SGCZ: variants seen among roughly 807,000 people sequenced by gnomAD.
SGCZ encodes the protein zeta-sarcoglycan.
A neutral mutation model predicts 41.3 loss-of-function variants in SGCZ; 40 were observed. That is an observed-to-expected ratio of 0.97 (90% confidence interval 0.75 to 1.26). SGCZ has a LOEUF of 1.26. Among genes scored for constraint, SGCZ ranks in the 50% most tolerant of loss-of-function variants. The pLI, the probability that SGCZ is intolerant of heterozygous loss-of-function variation, is 0.00. For synonymous variants in SGCZ, 206 were observed against 137.5 expected (o/e 1.50, Z -3.49); for missense variants, 552 against 369.8 (o/e 1.49, Z -4.04).
intron 1 of SGCZ, among the ~76,000 whole-genome samples, chr8:14,794,899 A>C (rs923688040): frequency 6.6e-6 from 1 of 152,214 alleles, no homozygotes; most frequent in Non-Finnish European, 1.5e-5. Flanking sequence ...AAAAATCTAA[A>C]GAAAAATAAC....
chr8:15,109,972 A>G (rs1175003398), intron 1 of SGCZ, among the ~76,000 whole-genome samples: 1 of 152,234 alleles, frequency 6.6e-6, no homozygotes, highest in Non-Finnish European at 1.5e-5. Context: ...ACTAAATCAA[A>G]TAATTTTAAA....
At chr8:14,822,429 G>T (rs1802132989) in intron 1 of SGCZ, among the ~76,000 whole-genome samples, 1 of 152,082 alleles carries the variant, frequency 6.6e-6, no homozygotes, top group Non-Finnish European at 1.5e-5. Flanking sequence ...GATCTACAAA[G>T]TTAATGCAAT....
chr8:14,803,551 T>C (rs1287319082), intron 1 of SGCZ, among the ~76,000 whole-genome samples: 1 of 152,156 alleles, frequency 6.6e-6, no homozygotes, highest in African/African-American at 2.4e-5. Context: ...CACGAGATTA[T>C]ATCCCGCACC....
At chr8:14,721,289 T>C (rs981379808) in intron 1 of SGCZ, among the ~76,000 whole-genome samples, 2 of 152,196 alleles carry the variant, frequency 1.3e-5, no homozygotes, top group Admixed American at 6.5e-5. Flanking sequence ...CATCTCATCT[T>C]TCCTTAGAAC....
intron 2 of SGCZ, among the ~76,000 whole-genome samples, chr8:14,415,868 A>G (rs891306538): frequency 6.6e-6 from 1 of 151,886 alleles, no homozygotes; most frequent in Non-Finnish European, 1.5e-5. Flanking sequence ...TGGCTAAAAG[A>G]CTTGGAACTG....
intron 5 of SGCZ, among the ~76,000 whole-genome samples, chr8:14,138,641 C>G (rs1803275421): frequency 6.6e-6 from 1 of 152,264 alleles, no homozygotes; most frequent in Admixed American, 6.5e-5. Context: ...GAAGAGCTAA[C>G]TATCCTAAAT....
At chr8:15,036,352 C>T (rs1268493107) in intron 1 of SGCZ, among the ~76,000 whole-genome samples, 1 of 151,986 alleles carries the variant, frequency 6.6e-6, no homozygotes, top group Non-Finnish European at 1.5e-5. Context: ...AAATGTCTCT[C>T]ATTGAACACA....
At chr8:14,957,433 T>C (rs1187749554) in intron 1 of SGCZ, among the ~76,000 whole-genome samples, 1 of 152,058 alleles carries the variant, frequency 6.6e-6, no homozygotes, top group African/African-American at 2.4e-5. Flanking sequence ...TATTAACCTT[T>C]CCATTCGTTG....
chr8:14,469,618 G>T (rs538496734), intron 2 of SGCZ, among the ~76,000 whole-genome samples: 4 of 152,010 alleles, frequency 2.6e-5, no homozygotes, highest in Admixed American at 1.3e-4. Context: ...TATCCCTTAG[G>T]TAGCTTCAGG....
At chr8:14,403,768 G>C (rs1799139779) in intron 2 of SGCZ, among the ~76,000 whole-genome samples, 1 of 151,918 alleles carries the variant, frequency 6.6e-6, no homozygotes, top group African/African-American at 2.4e-5. Context: ...TGAAGTTTAA[G>C]AAAAAATATA....
chr8:14,696,178 C>T (rs1808954480), intron 1 of SGCZ, among the ~76,000 whole-genome samples: 1 of 152,038 alleles, frequency 6.6e-6, no homozygotes, highest in Non-Finnish European at 1.5e-5. Context: ...CATTATATCA[C>T]GTTCTCAAAA....
At chr8:15,193,792 G>C in intron 1 of SGCZ, among the ~76,000 whole-genome samples, 1 of 152,124 alleles carries the variant, frequency 6.6e-6, no homozygotes, top group East Asian at 1.9e-4. Flanking sequence ...GTACCATTAG[G>C]CTTTACGTAA....
intron 2 of SGCZ, among the ~76,000 whole-genome samples, chr8:14,353,664 A>G (rs909489182): frequency 6.6e-6 from 1 of 152,042 alleles, no homozygotes; most frequent in Admixed American, 6.6e-5. Flanking sequence ...GCCCTATCAG[A>G]CAAAAATTAC....
Position 14,791,041 on chromosome 8 carries a change from GA to G in SGCZ, c.40-236116del, listed in dbSNP as rs531207109. On this transcript the variant is annotated intron_variant, in intron 1 of 7. Transcript: ENST00000382080. ...GTGAGACTCTGTCTCAAAAAAAAAA[GA>G]AAAAAAAAAGAAAAATAGGATACAA... 3.3e-3 allele frequency among the ~76,000 whole-genome samples: 435 copies of G among 131,956 alleles called. 3 individuals carry two copies. Among genetic ancestry groups the G allele is most frequent in the South Asian group, 0.012 (51 of 4,176 alleles). The allele number at this position is 131,956 out of a possible 152,430, so 86.6% of individuals were successfully genotyped here.
chr8:14,225,276 A>G (rs1806333452), intron 4 of SGCZ, among the ~76,000 whole-genome samples: 1 of 152,110 alleles, frequency 6.6e-6, no homozygotes, highest in African/African-American at 2.4e-5. Context: ...GTTATGGGCT[A>G]TTCTAAATGA....
intron 5 of SGCZ, among the ~76,000 whole-genome samples, chr8:14,164,355 G>C (rs1804140456): frequency 6.6e-6 from 1 of 152,044 alleles, no homozygotes; most frequent in Non-Finnish European, 1.5e-5. Context: ...GCCTCCACCT[G>C]AGAGATGGCT....
chr8:14,945,385 ATTATAAC>A (rs1563381490), intron 1 of SGCZ, among the ~76,000 whole-genome samples: 2 of 152,120 alleles, frequency 1.3e-5, no homozygotes, highest in African/African-American at 4.8e-5. Context: ...TAGATACTCA[ATTATAAC>A]TTATAAGGTT....
intron 1 of SGCZ, among the ~76,000 whole-genome samples, chr8:15,074,334 C>T (rs1805456383): frequency 6.6e-6 from 1 of 152,172 alleles, no homozygotes; most frequent in Admixed American, 6.5e-5. Context: ...TCTCAAATTA[C>T]TGGCTGTCGT....
chr8:14,238,248 G>T (rs1337041968), intron 3 of SGCZ, among the ~76,000 whole-genome samples: 2 of 152,172 alleles, frequency 1.3e-5, no homozygotes. Flanking sequence ...TGTCACAAAA[G>T]GAAAGATCCA....
Sources: allele counts gnomAD v4.1 joint callset (sites outside exome capture counted in the v4.1 genomes callset), GRCh38; gene constraint gnomAD v4.1.1; transcripts MANE v1.5; gene names NCBI Gene and HGNC (gene_info 2026-07-23, HGNC 2026-07-21).